Variants in BLOC1S3 observed in about 807,000 individuals in gnomAD.
The protein encoded by BLOC1S3 is biogenesis of lysosomal organelles complex 1 subunit 3.
BLOC1S3 carries 7 observed loss-of-function variants against 9.1 expected under a neutral mutation model. The observed-to-expected ratio is 0.77, with a 90% CI of 0.44 to 1.45. BLOC1S3 has a LOEUF of 1.45. Among genes scored for constraint, BLOC1S3 ranks in the 40% most tolerant of loss-of-function variants. The pLI is 0.01. For synonymous variants in BLOC1S3, 145 were observed against 158.4 expected (o/e 0.92, Z 0.64); for missense variants, 307 against 315.2 (o/e 0.97, Z 0.20).
chr19:45,205,492 T>C (rs931763273), intron 3 of BLOC1S3, among the ~76,000 whole-genome samples: 1 of 152,212 alleles, frequency 6.6e-6, no homozygotes, highest in Non-Finnish European at 1.5e-5. Context: ...AAAGACGTTC[T>C]GTACAAAAGT....
chr19:45,215,268 C>T (rs1221149150), intron 3 of BLOC1S3, among the ~76,000 whole-genome samples: 2 of 152,216 alleles, frequency 1.3e-5, no homozygotes, highest in South Asian at 2.1e-4. Context: ...CCCAGAAGTT[C>T]GAGACCAGCC....
chr19:45,182,534 C>A (rs892254305), downstream of BLOC1S3, among the ~76,000 whole-genome samples: 2 of 152,070 alleles, frequency 1.3e-5, no homozygotes, highest in Non-Finnish European at 2.9e-5. Flanking sequence ...CGTGGTGGCA[C>A]ATGCCTGTAA....
downstream of BLOC1S3, among the ~76,000 whole-genome samples, chr19:45,182,589 A>G (rs1364997875): frequency 6.6e-6 from 1 of 151,778 alleles, no homozygotes; most frequent in Non-Finnish European, 1.5e-5. Flanking sequence ...GCTTGAGCCC[A>G]GGAGGTGGAG....
chr19:45,200,543 C>T (rs1969683768), intron 2 of BLOC1S3, among the ~76,000 whole-genome samples: 1 of 152,204 alleles, frequency 6.6e-6, no homozygotes, highest in African/African-American at 2.4e-5. Flanking sequence ...CGATAGGATT[C>T]TGAATCCCTT....
intron 3 of BLOC1S3, among the ~76,000 whole-genome samples, chr19:45,216,483 G>C (rs1031068942): frequency 2.0e-5 from 3 of 152,146 alleles, no homozygotes; most frequent in Admixed American, 6.6e-5. Flanking sequence ...GGAGGCTGAA[G>C]CAGGAGAATC....
At position 45,179,775 on chromosome 19, in the gene BLOC1S3, T is replaced by G; in HGVS notation, c.479T>G (p.Val160Gly). 1 of 1,546,858 alleles carries G rather than the reference T, an allele frequency of 6.5e-7. No homozygotes were observed. The change falls in exon 2 of 2, where the codon GTG becomes GGG. Residue 160 changes from valine (V) to glycine (G), a missense_variant. By Grantham distance (109) the Val-to-Gly change is moderately radical. Coordinates refer to ENST00000433642, the MANE Select transcript of BLOC1S3 (RefSeq NM_212550.5). The surrounding 1 kb of genome is among the most constrained non-coding windows in gnomAD (Gnocchi z 4.6). The stretch of plus-strand genomic sequence containing the variant: ...GCGGGGCTGGCGGCGGCCCACAGCG[T>G]GCGCCTGGCGCGCGGGGACCTTTGT... The part of the protein sequence containing the change: ...QAAGLAAAHS[V>G]RLARGDLCAL...
chr19:45,193,132 CAAAAA>C (rs71173123), intron 2 of BLOC1S3, among the ~76,000 whole-genome samples: 2 of 77,926 alleles, frequency 2.6e-5, no homozygotes, highest in Admixed American at 1.7e-4. Flanking sequence ...AACTCCGTCT[CAAAAA>C]AAAAAAAAAA....
chr19:45,190,638 G>A (rs1969597322), intron 2 of BLOC1S3, among the ~76,000 whole-genome samples: 1 of 151,536 alleles, frequency 6.6e-6, no homozygotes, highest in Non-Finnish European at 1.5e-5. Flanking sequence ...TTGAGCTCAA[G>A]TGATCTGCCC....
upstream of BLOC1S3, among the ~76,000 whole-genome samples, chr19:45,187,017 C>T (rs1969570561): frequency 6.6e-6 from 1 of 152,188 alleles, no homozygotes; most frequent in African/African-American, 2.4e-5. Context: ...AATGAATCCC[C>T]TGCAGCTCCA....
downstream of BLOC1S3, among the ~76,000 whole-genome samples, chr19:45,184,260 G>A (rs918273947): frequency 1.1e-4 from 17 of 152,292 alleles, no homozygotes; most frequent in African/African-American, 4.1e-4. Flanking sequence ...TGTGGAAGGA[G>A]AGCCAGAGAC....
chr19:45,182,433 C>G (rs186889686), downstream of BLOC1S3, among the ~76,000 whole-genome samples: 3 of 150,808 alleles, frequency 2.0e-5, no homozygotes, highest in Non-Finnish European at 3.0e-5. Context: ...TTTGGGAGAT[C>G]GAGGTAGGCA....
At chr19:45,194,962 G>A (rs377346673) in intron 2 of BLOC1S3, among the ~76,000 whole-genome samples, 1 of 142,540 alleles carries the variant, frequency 7.0e-6, no homozygotes, top group Non-Finnish European at 1.5e-5. Flanking sequence ...ATGGAGTTTC[G>A]CTCTTGTTGC....
In BLOC1S3 at chr19:45,179,432, C is replaced by G. The variant is rs956409002; in HGVS notation, c.136C>G (p.Pro46Ala). The G allele has an allele frequency of 1.3e-6, 2 of 1,530,906 alleles. No individual in the cohort carries two copies. The highest frequency in any genetic ancestry group is 2.0e-5 in the Admixed American group (1 of 50,552). The allele number at this position is 1,530,906 out of a possible 1,614,324, so 94.8% of individuals were successfully genotyped here. A position where few individuals can be genotyped will look rare whatever the true frequency, so the allele number is the denominator to read the frequency against. The change falls in exon 2 of 2, where the codon CCG (proline) becomes GCG (alanine). Residue 46 changes from proline (P) to alanine (A), a missense_variant. Coordinates refer to ENST00000433642, the MANE Select transcript of BLOC1S3 (RefSeq NM_212550.5). This position sits in a 1 kb window ranked among gnomAD's most constrained non-coding sequence, Gnocchi z 4.6. ...GGAGCTGTACCTGGGTCCTTCGGGC[C>G]CGACGCGCGGCCGCCCCACGGGGCT... ...EEELYLGPSG[P>A]TRGRPTGLRV...
chr19:45,183,302 A>G (rs557798848), downstream of BLOC1S3, among the ~76,000 whole-genome samples: 1 of 152,156 alleles, frequency 6.6e-6, no homozygotes, highest in African/African-American at 2.4e-5. Context: ...CAACGTGGTG[A>G]AACCCTGTCT....
chr19:45,186,453 C>G (rs1006982076), downstream of BLOC1S3, among the ~76,000 whole-genome samples: 2 of 152,140 alleles, frequency 1.3e-5, no homozygotes, highest in African/African-American at 4.8e-5. Flanking sequence ...GCCTGTAATC[C>G]CAGTACTTTG....
upstream of BLOC1S3, among the ~76,000 whole-genome samples, chr19:45,186,927 C>T (rs1969569974): frequency 6.6e-6 from 1 of 152,208 alleles, no homozygotes; most frequent in African/African-American, 2.4e-5. Flanking sequence ...TTCTCTGGCA[C>T]TCAGCTCTGT....
At chr19:45,204,778 C>G (rs150455334) in intron 3 of BLOC1S3, among the ~76,000 whole-genome samples, 1 of 151,770 alleles carries the variant, frequency 6.6e-6, no homozygotes, top group East Asian at 1.9e-4. Context: ...GCCACCAAGG[C>G]TAGAGTGCAG....
chr19:45,188,792 G>A (rs546400552), intron 2 of BLOC1S3, among the ~76,000 whole-genome samples: 17 of 151,036 alleles, frequency 1.1e-4, no homozygotes, highest in Admixed American at 7.3e-4. Flanking sequence ...GACTGGTCTC[G>A]AACTCCTGAC....
chr19:45,195,988 A>G (rs965462693), intron 2 of BLOC1S3, among the ~76,000 whole-genome samples: 16 of 152,214 alleles, frequency 1.1e-4, no homozygotes, highest in African/African-American at 3.6e-4. Context: ...TGACCAAGCC[A>G]TCTGCTAGTC....
Sources: allele counts gnomAD v4.1 joint callset (sites outside exome capture counted in the v4.1 genomes callset), GRCh38; gene constraint gnomAD v4.1.1; non-coding constraint Gnocchi (gnomAD v3.1); transcripts MANE v1.5; gene names NCBI Gene and HGNC (gene_info 2026-07-23, HGNC 2026-07-21).